TAF3: variants seen among roughly 807,000 people sequenced by gnomAD.
TAF3 encodes TATA-box binding protein associated factor 3.
Under a neutral mutation model 80.6 loss-of-function variants are expected in TAF3, and 7 were observed. That is an observed-to-expected ratio of 0.09 (90% CI 0.05 to 0.16). TAF3 has a LOEUF of 0.16. TAF3 is among the 10% of genes least tolerant of loss of function. The pLI is 1.00. For synonymous variants in TAF3, 444 were observed against 446.1 expected (o/e 1.00, Z 0.06); for missense variants, 921 against 1,140.2 (o/e 0.81, Z 2.77).
At chr10:7,942,667 G>C (rs1234640804) in intron 2 of TAF3, among the ~76,000 whole-genome samples, 1 of 152,226 alleles carries the variant, frequency 6.6e-6, no homozygotes, top group African/African-American at 2.4e-5. Context: ...TGCAAACACA[G>C]ATCCCAAGAA....
At chr10:7,971,855 A>T (rs899514823) in intron 3 of TAF3, among the ~76,000 whole-genome samples, 10 of 152,230 alleles carry the variant, frequency 6.6e-5, no homozygotes, top group Admixed American at 6.5e-4. Context: ...AGCACATGGC[A>T]ATAAGGGGCT....
intron 2 of TAF3, among the ~76,000 whole-genome samples, chr10:7,906,174 ACTTTC>A (rs1253140246): frequency 4.6e-5 from 7 of 151,958 alleles, no homozygotes; most frequent in African/African-American, 1.7e-4. Flanking sequence ...CTCCAACTCA[ACTTTC>A]CTTTATTTTT....
At chr10:7,979,000 C>G (rs1831698649) in intron 4 of TAF3, among the ~76,000 whole-genome samples, 1 of 151,910 alleles carries the variant, frequency 6.6e-6, no homozygotes, top group Non-Finnish European at 1.5e-5. Flanking sequence ...ATGATCGTGC[C>G]CACTGCACTC....
intron 4 of TAF3, among the ~76,000 whole-genome samples, chr10:7,987,803 A>T (rs1262586676): frequency 6.6e-6 from 1 of 152,230 alleles, no homozygotes; most frequent in East Asian, 1.9e-4. Context: ...TTCATTTCAT[A>T]GAAATCCTTT....
intron 2 of TAF3, among the ~76,000 whole-genome samples, chr10:7,897,146 C>A (rs1266707921): frequency 2.6e-5 from 4 of 152,174 alleles, no homozygotes; most frequent in African/African-American, 9.7e-5. Context: ...GTGAAGAGAT[C>A]AGGCCCGCTT....
intron 2 of TAF3, among the ~76,000 whole-genome samples, chr10:7,918,874 G>A (rs1322047406): frequency 6.6e-6 from 1 of 152,152 alleles, no homozygotes; most frequent in Non-Finnish European, 1.5e-5. Flanking sequence ...GCAGGTGGAA[G>A]GAAGGAGGGA....
intron 2 of TAF3, among the ~76,000 whole-genome samples, chr10:7,837,715 C>G (rs968857869): frequency 4.6e-5 from 7 of 151,948 alleles, no homozygotes; most frequent in African/African-American, 1.7e-4. Context: ...GGTGTAAGTA[C>G]TCAGAGGCTG....
At chr10:7,938,186 G>T (rs117633221) in intron 2 of TAF3, among the ~76,000 whole-genome samples, 482 of 152,286 alleles carry the variant, frequency 3.2e-3, no homozygotes, top group Non-Finnish European at 5.7e-3. Context: ...CCTGCCTAAA[G>T]ATTCATGGAG....
intron 2 of TAF3, among the ~76,000 whole-genome samples, chr10:7,827,700 A>T (rs1836756394): frequency 6.6e-6 from 1 of 151,880 alleles, no homozygotes; most frequent in African/African-American, 2.4e-5. Context: ...GAATGGCGTG[A>T]ACAGAGGAGG....
chr10:7,865,626 C>G (rs188687024), intron 2 of TAF3, among the ~76,000 whole-genome samples: 1 of 152,176 alleles, frequency 6.6e-6, no homozygotes, highest in Non-Finnish European at 1.5e-5. Context: ...TTAGCAGCCC[C>G]GGCAGGGTGG....
rs1242483068 is a variant in TAF3, at chr10:7,887,278, G to T, written c.409+62718G>T. On this transcript the variant is annotated intron_variant, in intron 2 of 6. Transcript: ENST00000344293. ...GAAAGCTGGTTAAGGAAATGATGAGGAAAACTGAATCTAAAGCAGTTTATG... is the reference window on the plus strand; with the variant it reads ...GAAAGCTGGTTAAGGAAATGATGAGTAAAACTGAATCTAAAGCAGTTTATG... 4.0e-5 allele frequency among the ~76,000 whole-genome samples: 6 copies of T among 151,496 alleles called. No individual in the cohort carries two copies. In the East Asian group the frequency reaches 1.2e-3, roughly 29 times the overall value.
intron 4 of TAF3, among the ~76,000 whole-genome samples, chr10:7,996,786 C>T (rs182974661): frequency 4.1e-4 from 62 of 151,818 alleles, no homozygotes; most frequent in Admixed American, 1.4e-3. Context: ...CTCAAGCTAT[C>T]CTCCCTTCTC....
At chr10:7,836,370 G>C (rs962552559) in intron 2 of TAF3, among the ~76,000 whole-genome samples, 1 of 151,376 alleles carries the variant, frequency 6.6e-6, no homozygotes, top group African/African-American at 2.4e-5. Context: ...CGGCTCCCTG[G>C]TTCAAGTGAT....
intron 2 of TAF3, among the ~76,000 whole-genome samples, chr10:7,941,190 T>A (rs1285786318): frequency 1.3e-5 from 2 of 152,208 alleles, no homozygotes; most frequent in Non-Finnish European, 2.9e-5. Flanking sequence ...GGAGGATTAA[T>A]CCAGCAAGCT....
chr10:7,963,059 G>A (rs1203886795), intron 2 of TAF3, among the ~76,000 whole-genome samples: 1 of 152,128 alleles, frequency 6.6e-6, no homozygotes, highest in South Asian at 2.1e-4. Flanking sequence ...AACTCTAGCC[G>A]AAAAACCATT....
intron 2 of TAF3, among the ~76,000 whole-genome samples, chr10:7,863,770 G>GATATATATA (rs1837181075): frequency 1.1e-4 from 11 of 97,996 alleles, no homozygotes; most frequent in African/African-American, 4.1e-4. Flanking sequence ...TACACACATG[G>GATATATATA]CACATGTCTC....
intron 1 of TAF3, among the ~76,000 whole-genome samples, chr10:7,820,537 G>A (rs187635824): frequency 2.6e-5 from 4 of 152,256 alleles, no homozygotes; most frequent in Non-Finnish European, 4.4e-5. Context: ...CTCTGTCGCC[G>A]AGCGTGGAGT....
intron 2 of TAF3, among the ~76,000 whole-genome samples, chr10:7,902,806 G>C (rs1278892585): frequency 6.6e-6 from 1 of 152,052 alleles, no homozygotes; most frequent in African/African-American, 2.4e-5. Context: ...GCTGTAGAAT[G>C]TTGATTTTCT....
At chr10:7,857,910 A>T (rs375342126) in intron 2 of TAF3, among the ~76,000 whole-genome samples, 4 of 138,542 alleles carry the variant, frequency 2.9e-5, no homozygotes, top group South Asian at 2.3e-4. Context: ...AACATTTCTG[A>T]TTTTTTTTTT....
Sources: allele counts gnomAD v4.1 joint callset (sites outside exome capture counted in the v4.1 genomes callset), GRCh38; gene constraint gnomAD v4.1.1; transcripts MANE v1.5; gene names NCBI Gene and HGNC (gene_info 2026-07-23, HGNC 2026-07-21).